Variants in CRYBG1 observed in about 807,000 individuals in gnomAD.
CRYBG1 encodes crystallin beta-gamma domain containing 1.
CRYBG1 carries 139 observed loss-of-function variants against 189.2 expected under a neutral mutation model. The ratio of observed to expected loss-of-function variants is 0.73; its 90% CI spans 0.64 to 0.85. The LOEUF (loss-of-function observed/expected upper bound fraction) is 0.85, where lower values mean the gene tolerates loss of function less well. Among genes scored for constraint, CRYBG1 ranks in the 40% least tolerant of loss-of-function variants. CRYBG1 has a pLI of 0.00. For missense variants in CRYBG1, 2,611 were observed against 2,675.8 expected, an observed-to-expected ratio of 0.98 and a Z score of 0.53; for synonymous variants, 1,023 against 1,017.1, an observed-to-expected ratio of 1.01 and a Z score of -0.11.
chr6:106,418,922 G>T (rs1231176251), intron 1 of CRYBG1, among the ~76,000 whole-genome samples: 1 of 152,238 alleles, frequency 6.6e-6, no homozygotes, highest in Non-Finnish European at 1.5e-5. Context: ...TGAGGAGGCA[G>T]TGTCTGATTT....
At chr6:106,488,493 G>A (rs1276984284) in intron 2 of CRYBG1, among the ~76,000 whole-genome samples, 1 of 152,168 alleles carries the variant, frequency 6.6e-6, no homozygotes, top group Non-Finnish European at 1.5e-5. Context: ...TGGCTATAAG[G>A]CCAAGGGCAG....
chr6:106,482,648 A>G (rs543351437), intron 2 of CRYBG1, among the ~76,000 whole-genome samples: 26 of 152,100 alleles, frequency 1.7e-4, no homozygotes, highest in South Asian at 6.2e-4. Context: ...GGTGGCGGGC[A>G]CCTGTATTCC....
At position 106,524,315 on chromosome 6, in the gene CRYBG1, C is replaced by A. The variant is rs574242068; in HGVS notation, c.4246-818C>A. Among the ~76,000 whole-genome samples, 23 of 152,288 alleles carry A rather than the reference C, an allele frequency of 1.5e-4. 1 individual carries two copies. The highest frequency in any genetic ancestry group is 6.8e-3 in the Middle Eastern group (2 of 294). On this transcript the variant is annotated intron_variant, in intron 4 of 21. Coordinates refer to ENST00000633556, the MANE Select transcript of CRYBG1 (RefSeq NM_001371242.2). Reference sequence around the variant, plus strand: ...CGGTGGCTCTCACCTGTAATCCCAGCACTTTGGGAGGCTGAGGCAGGCGGA... The same window carrying A: ...CGGTGGCTCTCACCTGTAATCCCAGAACTTTGGGAGGCTGAGGCAGGCGGA...
In CRYBG1 at chr6:106,520,151, T is replaced by C. The variant is rs1773557848; in HGVS notation, c.2943T>C (p.Val981=). Residue 981 remains valine (V), a synonymous_variant, in exon 4 of 22, where the codon GTT becomes GTC. Transcript: ENST00000633556. ...AGGTCATCCCAGAGAGCTCTGAAGT[T>C]AGAGAAGTGCAGTTGCCAACTTGTC... ...SSQVIPESSE[V]REVQLPTCHS... 6.2e-7 allele frequency: 1 copy of C among 1,613,970 alleles called. No individual in the cohort carries two copies. The highest frequency in any genetic ancestry group is 8.5e-7 in the Non-Finnish European group (1 of 1,180,010).
chr6:106,367,614 A>C (rs1439788955), intron 1 of CRYBG1, among the ~76,000 whole-genome samples: 1 of 150,404 alleles, frequency 6.6e-6, no homozygotes, highest in Non-Finnish European at 1.5e-5. Context: ...AATCAAATAC[A>C]TATATACTCC....
chr6:106,549,333 G>A (rs909846598), intron 13 of CRYBG1, among the ~76,000 whole-genome samples: 1 of 152,146 alleles, frequency 6.6e-6, no homozygotes, highest in Non-Finnish European at 1.5e-5. Context: ...ACTTACACTT[G>A]AAAATACAAA....
intron 21 of CRYBG1, among the ~76,000 whole-genome samples, chr6:106,567,415 AAG>A (rs1197556482): frequency 6.6e-6 from 1 of 152,236 alleles, no homozygotes; most frequent in East Asian, 1.9e-4. Context: ...CTCACAAGAG[AAG>A]AGACGATTTC....
At chr6:106,517,382 A>C (rs1773456200) in intron 3 of CRYBG1, among the ~76,000 whole-genome samples, 1 of 54,088 alleles carries the variant, frequency 1.8e-5, no homozygotes. Context: ...ACACACACAT[A>C]TACACACATA....
chr6:106,515,475 A>G (rs749594834), intron 3 of CRYBG1, among the ~76,000 whole-genome samples: 11 of 152,228 alleles, frequency 7.2e-5, no homozygotes, highest in Non-Finnish European at 1.0e-4. Flanking sequence ...ATCATAAGAT[A>G]TACTTCGATG....
intron 8 of CRYBG1, among the ~76,000 whole-genome samples, chr6:106,534,467 A>T (rs1335043182): frequency 1.3e-5 from 2 of 152,164 alleles, no homozygotes; most frequent in African/African-American, 4.8e-5. Flanking sequence ...AGGGGTTGAG[A>T]AGATGTCACT....
chr6:106,456,280 A>T (rs113369884), intron 2 of CRYBG1, among the ~76,000 whole-genome samples: 2 of 150,468 alleles, frequency 1.3e-5, no homozygotes, highest in Admixed American at 1.3e-4. Flanking sequence ...CAGCCTCCCT[A>T]CTAGCTAGGA....
Position 106,512,120 on chromosome 6 carries a change from C to A in CRYBG1, c.1003C>A (p.Pro335Thr), listed in dbSNP as rs764341578. 1 of 1,534,344 alleles carries A rather than the reference C, an allele frequency of 6.5e-7. No homozygotes were observed. The highest frequency in any genetic ancestry group is 2.0e-5 in the Admixed American group (1 of 50,938). The change falls in exon 3 of 22, where the codon CCC (proline) becomes ACC (threonine). Residue 335 changes from proline to threonine, a missense_variant. This residue lies in a region of CRYBG1 where 985 missense variants were observed against 924.4 expected (regional missense o/e 1.07). Transcript: ENST00000633556. ...GGGGCCCCGCAACGCCCGCAGCCAG[C>A]CCCCCAAGGGCGCGTCTGATTTGCC... ...SLGPRNARSQ[P>T]PKGASDLPGE...
Position 106,563,787 on chromosome 6 carries a change from G to T in CRYBG1, c.6162G>T (p.Thr2054=), listed in dbSNP as rs921563353. 1.6e-5 allele frequency: 25 copies of T among 1,608,164 alleles called. No individual in the cohort carries two copies. Among genetic ancestry groups the T allele is most frequent in the Non-Finnish European group, 2.0e-5 (23 of 1,174,924 alleles). Reference sequence around the variant, plus strand: ...AGATAGCAGAAGACTGCTGCCTGACGATTGTGGGCAGCCTGGTAACATCTG... The same window carrying T: ...AGATAGCAGAAGACTGCTGCCTGACTATTGTGGGCAGCCTGGTAACATCTG... ...KCRIAEDCCL[T]IVGSLVTSGS... The change falls in exon 21 of 22, where the codon ACG becomes ACT. Residue 2054 remains threonine, a synonymous_variant. Transcript: ENST00000633556.
At chr6:106,424,723 A>G (rs1771194445) in intron 1 of CRYBG1, among the ~76,000 whole-genome samples, 1 of 151,962 alleles carries the variant, frequency 6.6e-6, no homozygotes, top group African/African-American at 2.4e-5. Flanking sequence ...CAGCCTCCCA[A>G]AGTGCTGAGA....
chr6:106,390,282 A>C (rs944498141), intron 1 of CRYBG1, among the ~76,000 whole-genome samples: 2 of 152,152 alleles, frequency 1.3e-5, no homozygotes, highest in African/African-American at 4.8e-5. Context: ...CCAAAGCAGG[A>C]AATAGGATTA....
rs2114524467 is a variant in CRYBG1 at position 106,512,353 on chromosome 6, GT to G, written c.1237del (p.Ser413ProfsTer55). 3 of 1,611,366 alleles carry G rather than the reference GT, an allele frequency of 1.9e-6. No homozygotes were observed. The highest frequency in any genetic ancestry group is 2.5e-6 in the Non-Finnish European group (3 of 1,179,420). Reference protein sequence around the residue: ...CGDWDDMEKRSSGRRSGRRRG... With the variant: ...CGDWDDMEKRXSGRRSGRRRG... ...GTGACTGGGACGACATGGAGAAGAG[GT>G]CCAGCGGCCGTAGGTCGGGGAGGCG... On this transcript the variant is annotated frameshift_variant, in exon 3 of 22. Coordinates refer to ENST00000633556, the MANE Select transcript of CRYBG1 (RefSeq NM_001371242.2). LOFTEE classifies it high-confidence loss of function.
intron 10 of CRYBG1, 37 bp downstream of exon 10, chr6:106,541,658 GTAATTA>G: frequency 7.1e-7 from 1 of 1,407,708 alleles, no homozygotes; most frequent in African/African-American, 1.4e-5. Context: ...GTATGTATAT[GTAATTA>G]TTTAAACATA....
chr6:106,500,933 T>C (rs1390711293), intron 2 of CRYBG1, among the ~76,000 whole-genome samples: 1 of 152,174 alleles, frequency 6.6e-6, no homozygotes, highest in African/African-American at 2.4e-5. Context: ...CGGTGATAGG[T>C]GATTGCCCCA....
At chr6:106,478,588 A>G (rs1457027105) in intron 2 of CRYBG1, among the ~76,000 whole-genome samples, 1 of 152,194 alleles carries the variant, frequency 6.6e-6, no homozygotes, top group Non-Finnish European at 1.5e-5. Context: ...TAAGTGCCAC[A>G]TACCTTCTAC....
Sources: gnomAD v4.1 joint callset for allele counts (sites outside exome capture counted in the v4.1 genomes callset) on GRCh38, gnomAD v4.1.1 for gene constraint, gnomAD v4.1.1 regional missense constraint, MANE v1.5 for transcripts, NCBI Gene and HGNC (gene_info 2026-07-23, HGNC 2026-07-21) for gene names.